The following EPHA6 variants were observed in gnomAD, a reference collection of about 807,000 sequenced individuals.
EPHA6 encodes ephrin type-A receptor 6.
Under a neutral mutation model 112.0 loss-of-function variants are expected in EPHA6, and 50 were observed. The ratio of observed to expected loss-of-function variants is 0.45; its 90% CI spans 0.36 to 0.56. EPHA6 has a LOEUF of 0.56. Ranked by LOEUF, EPHA6 falls within the 20% of genes least tolerant of loss-of-function variation. The probability of loss-of-function intolerance (pLI) is 0.00; values close to 1 mark genes in which losing one functional copy is unlikely to be tolerated. For synonymous variants in EPHA6, 529 were observed against 490.7 expected (o/e 1.08, Z -1.03); for missense variants, 1,280 against 1,417.4 (o/e 0.90, Z 1.56).
chr3:97,208,744 C>T (rs1046204644), intron 3 of EPHA6, among the ~76,000 whole-genome samples: 1 of 147,532 alleles, frequency 6.8e-6, no homozygotes, highest in African/African-American at 2.6e-5. Context: ...AAGACTCTGT[C>T]TCAATTAAAA....
At position 97,570,527 on chromosome 3, in the gene EPHA6, G is replaced by A. The variant is rs553647137; in HGVS notation, c.2387-22085G>A. ...CAGGTGGATCACGAGGTCGGGAGTT[G>A]AACACCAGCCTGGCCAAGATGGTGA... is the stretch of plus-strand genomic sequence containing the variant. On this transcript the variant is annotated intron_variant, in intron 11 of 17. Transcript: ENST00000389672. Among the ~76,000 whole-genome samples the A allele has an allele frequency of 2.5e-3, 384 of 152,186 alleles. 1 individual carries two copies. Among genetic ancestry groups the A allele is most frequent in the Non-Finnish European group, 3.7e-3 (251 of 67,978 alleles).
intron 11 of EPHA6, among the ~76,000 whole-genome samples, chr3:97,576,832 A>G (rs1416353973): frequency 1.3e-5 from 2 of 152,188 alleles, no homozygotes; most frequent in Non-Finnish European, 2.9e-5. Flanking sequence ...AAATGAACTC[A>G]GTCACTCATC....
chr3:97,664,493 A>G (rs1256480557), intron 14 of EPHA6, among the ~76,000 whole-genome samples: 1 of 152,164 alleles, frequency 6.6e-6, no homozygotes, highest in Non-Finnish European at 1.5e-5. Context: ...GGAGAAAGAA[A>G]TAAAGGGTAT....
At chr3:97,142,563 A>C (rs892559073) in intron 3 of EPHA6, among the ~76,000 whole-genome samples, 25 of 152,114 alleles carry the variant, frequency 1.6e-4, no homozygotes, top group Middle Eastern at 3.4e-3. Flanking sequence ...TAGAAAACCT[A>C]GAGGAAACAG....
At chr3:96,893,675 CT>C (rs1447016318) in intron 2 of EPHA6, among the ~76,000 whole-genome samples, 1 of 152,098 alleles carries the variant, frequency 6.6e-6, no homozygotes, top group African/African-American at 2.4e-5. Flanking sequence ...GGAGAAGGGC[CT>C]GTATCAGATA....
At chr3:97,200,391 T>C (rs1251074745) in intron 3 of EPHA6, among the ~76,000 whole-genome samples, 2 of 152,074 alleles carry the variant, frequency 1.3e-5, no homozygotes, top group Non-Finnish European at 2.9e-5. Context: ...TTTTCATGTA[T>C]ACCATAATGA....
intron 2 of EPHA6, among the ~76,000 whole-genome samples, chr3:96,959,962 A>T (rs1449359056): frequency 6.6e-6 from 1 of 152,146 alleles, no homozygotes; most frequent in Non-Finnish European, 1.5e-5. Flanking sequence ...TGGAAAAGAG[A>T]AAGTGCCAAA....
At chr3:97,232,385 C>T (rs2078555074) in intron 4 of EPHA6, among the ~76,000 whole-genome samples, 1 of 152,114 alleles carries the variant, frequency 6.6e-6, no homozygotes, top group Non-Finnish European at 1.5e-5. Flanking sequence ...AAAATTCAAA[C>T]TATTAGAAAT....
At chr3:97,464,596 C>T (rs1326153039) in intron 7 of EPHA6, among the ~76,000 whole-genome samples, 1 of 151,952 alleles carries the variant, frequency 6.6e-6, no homozygotes, top group Non-Finnish European at 1.5e-5. Context: ...CTGCCCCCAC[C>T]GTTAGATACA....
intron 2 of EPHA6, among the ~76,000 whole-genome samples, chr3:96,895,129 G>A (rs539283887): frequency 2.0e-5 from 3 of 152,230 alleles, no homozygotes; most frequent in East Asian, 1.9e-4. Flanking sequence ...GCCATCATAC[G>A]AAATGGCAGT....
intron 3 of EPHA6, among the ~76,000 whole-genome samples, chr3:97,154,619 T>G (rs1267755195): frequency 1.3e-5 from 2 of 152,154 alleles, no homozygotes; most frequent in Admixed American, 1.3e-4. Flanking sequence ...TGTCCAGCAT[T>G]TTCCCCTTCC....
At chr3:97,327,500 T>G (rs2082491545) in intron 5 of EPHA6, among the ~76,000 whole-genome samples, 1 of 152,006 alleles carries the variant, frequency 6.6e-6, no homozygotes, top group South Asian at 2.1e-4. Context: ...TGTTTGTGTG[T>G]GTGTGTATAT....
At chr3:97,684,367 T>C (rs369062231) in intron 14 of EPHA6, among the ~76,000 whole-genome samples, 22 of 152,156 alleles carry the variant, frequency 1.4e-4, no homozygotes, top group African/African-American at 5.1e-4. Context: ...CATATGATAA[T>C]CTACTGTTAA....
intron 10 of EPHA6, among the ~76,000 whole-genome samples, chr3:97,525,780 T>G (rs1191866918): frequency 1.3e-5 from 2 of 152,186 alleles, no homozygotes; most frequent in African/African-American, 4.8e-5. Flanking sequence ...TACCAGAAGC[T>G]GTAGTTGGTG....
intron 10 of EPHA6, among the ~76,000 whole-genome samples, chr3:97,507,790 C>A (rs1320822634): frequency 6.6e-6 from 1 of 150,926 alleles, no homozygotes; most frequent in Non-Finnish European, 1.5e-5. Context: ...TCTGTCTGGT[C>A]CTGGGCTTTT....
chr3:97,545,868 T>G, intron 11 of EPHA6, among the ~76,000 whole-genome samples: 1 of 152,214 alleles, frequency 6.6e-6, no homozygotes, highest in Admixed American at 6.5e-5. Flanking sequence ...GTCTGTTTTA[T>G]CAGAGACTAG....
chr3:96,986,158 A>G lies in EPHA6; in HGVS notation c.451-1172A>G, dbSNP rs868599906. On this transcript the variant is annotated intron_variant, in intron 2 of 17. Coordinates refer to ENST00000389672, the MANE Select transcript of EPHA6 (RefSeq NM_001080448.3). ...TGGAGTTATAATCTAAATTTACAGT[A>G]TAGAAGTATGCAATATTAAATGAAT... 2.6e-4 allele frequency among the ~76,000 whole-genome samples: 39 copies of G among 152,334 alleles called. 1 individual carries two copies. The Middle Eastern group carries it at 0.01, about 40-fold the overall frequency.
intron 2 of EPHA6, among the ~76,000 whole-genome samples, chr3:96,926,816 C>T (rs189104657): frequency 2.8e-3 from 424 of 152,236 alleles, no homozygotes; most frequent in Non-Finnish European, 4.9e-3. Context: ...TATGGCTGAC[C>T]CTGTATGTCT....
At chr3:97,413,530 C>G (rs562481156) in intron 6 of EPHA6, among the ~76,000 whole-genome samples, 1 of 151,896 alleles carries the variant, frequency 6.6e-6, no homozygotes, top group Non-Finnish European at 1.5e-5. Flanking sequence ...TTTTACATTG[C>G]CTTGGTTAGT....
Sources: allele counts gnomAD v4.1 joint callset (sites outside exome capture counted in the v4.1 genomes callset), GRCh38; gene constraint gnomAD v4.1.1; transcripts MANE v1.5; gene names NCBI Gene and HGNC (gene_info 2026-07-23, HGNC 2026-07-21).